The following BRWD3 variants were observed in gnomAD, a reference collection of about 807,000 sequenced individuals.
BRWD3 encodes bromodomain and WD repeat-containing protein 3.
In BRWD3, 10 loss-of-function variants were observed where a neutral mutation model predicts 149.7. That is an observed-to-expected ratio of 0.07 (90% CI 0.04 to 0.11). The LOEUF is 0.11. Among genes scored for constraint, BRWD3 ranks in the 10% least tolerant of loss-of-function variants. The pLI, the probability that BRWD3 is intolerant of heterozygous loss-of-function variation, is 1.00. For missense variants in BRWD3, 940 were observed against 1,373.2 expected (o/e 0.68, Z 4.99); for synonymous variants, 504 against 456.7 (o/e 1.10, Z -1.32).
chrX:80,730,705 G>C (rs2073318449), intron 12 of BRWD3, among the ~76,000 whole-genome samples: 1 of 111,581 alleles, frequency 9.0e-6, no homozygotes, highest in Admixed American at 9.5e-5. Flanking sequence ...CATTTAAAAA[G>C]AATACATATT....
At chrX:80,782,963 A>G (rs917483210) in intron 6 of BRWD3, among the ~76,000 whole-genome samples, 1 of 111,538 alleles carries the variant, frequency 9.0e-6, no homozygotes. Flanking sequence ...ATAGAAAAAA[A>G]AAATCTAATA....
rs1486755744 is a variant in BRWD3, at chrX:80,724,306, G to A, written c.1522-430C>T. On this transcript the variant is annotated intron_variant, in intron 15 of 40. Coordinates refer to ENST00000373275, the MANE Select transcript of BRWD3 (RefSeq NM_153252.5). ...GACAGAGGATCTGTCTTTGCTTTGG[G>A]TCTATATAAAGCATATAAAAGTAAA... Among the ~76,000 whole-genome samples, 3 of 111,408 alleles carry A rather than the reference G, an allele frequency of 2.7e-5. No homozygotes were observed. In the East Asian group the frequency reaches 8.4e-4, roughly 31 times the overall value.
intron 6 of BRWD3, among the ~76,000 whole-genome samples, chrX:80,780,969 T>C (rs1021700534): frequency 3.6e-5 from 4 of 111,786 alleles, no homozygotes; most frequent in Non-Finnish European, 7.5e-5. Context: ...AAGAGTGACA[T>C]ATAACGACAC....
chrX:80,687,033 AG>A (rs1192682418), intron 34 of BRWD3, 30 bp from the exon 35 acceptor site: 2 of 1,196,284 alleles, frequency 1.7e-6, no homozygotes, highest in Non-Finnish European at 2.3e-6. Flanking sequence ...TATATCTAAA[AG>A]ATCTTTCCTT....
intron 4 of BRWD3, among the ~76,000 whole-genome samples, chrX:80,807,127 T>C (rs781640071): frequency 1.3e-3 from 141 of 112,034 alleles, no homozygotes; most frequent in Non-Finnish European, 1.8e-3. Context: ...GGCACTGTTG[T>C]TTTTGCCTCT....
At chrX:80,805,770 C>G (rs1233398540) in intron 4 of BRWD3, among the ~76,000 whole-genome samples, 1 of 111,232 alleles carries the variant, frequency 9.0e-6, no homozygotes, top group Admixed American at 9.6e-5. Context: ...CCCGTCTCTA[C>G]TAAAAAATAC....
intron 6 of BRWD3, among the ~76,000 whole-genome samples, chrX:80,780,386 TC>T (rs1318161128): frequency 9.0e-6 from 1 of 111,357 alleles, no homozygotes; most frequent in East Asian, 2.8e-4. Flanking sequence ...TATAATAAAA[TC>T]TGTTTCATTT....
chrX:80,737,604 G>A (rs1384786709), intron 8 of BRWD3, among the ~76,000 whole-genome samples: 8 of 111,965 alleles, frequency 7.1e-5, no homozygotes. Context: ...GGAGGCCGAG[G>A]CAGGCAGATC....
intron 12 of BRWD3, among the ~76,000 whole-genome samples, chrX:80,732,707 C>G (rs1217270887): frequency 1.8e-5 from 2 of 111,559 alleles, no homozygotes; most frequent in Non-Finnish European, 3.8e-5. Flanking sequence ...ATCAATTAGG[C>G]TGGATCTAAG....
chrX:80,729,820 CTATT>C (rs2073300540), intron 13 of BRWD3, 92 bp downstream of exon 13: 3 of 631,515 alleles, frequency 4.8e-6, no homozygotes, highest in Admixed American at 2.7e-5. Flanking sequence ...TAACTTCAAA[CTATT>C]TATTAATGTA....
chrX:80,762,639 G>A (rs1423925944), intron 6 of BRWD3, among the ~76,000 whole-genome samples: 1 of 111,102 alleles, frequency 9.0e-6, no homozygotes, highest in Non-Finnish European at 1.9e-5. Context: ...AAGGCCAGAT[G>A]AATAGCTCAA....
intron 7 of BRWD3, among the ~76,000 whole-genome samples, chrX:80,745,355 T>A (rs1291636332): frequency 1.8e-5 from 2 of 111,929 alleles, no homozygotes; most frequent in Non-Finnish European, 3.8e-5. Flanking sequence ...GATTTAACTT[T>A]TTAAAATTAA....
Position 80,686,936 on chromosome X carries a change from T to A in BRWD3, c.3932A>T (p.Glu1311Val). ...ACGTTCATAAATGAGGCTCAATAGTTCCTTGCATTGTTTTTTCCAAGCATC... is the reference window on the plus strand; with the variant it reads ...ACGTTCATAAATGAGGCTCAATAGTACCTTGCATTGTTTTTTCCAAGCATC... The part of the protein sequence containing the change: ...NPDAWKKQCK[E>V]LLSLIYERED... Residue 1311 changes from glutamate to valine, a missense_variant, in exon 35 of 41, where the codon GAA becomes GTA. Around this residue, in one of 6 missense-constraint regions of BRWD3, gnomAD observed 349 missense variants for 419.6 expected, o/e 0.83. Transcript: ENST00000373275. 1 of 1,209,623 alleles carries A rather than the reference T, an allele frequency of 8.3e-7. No homozygotes were observed. Among genetic ancestry groups the A allele is most frequent in the South Asian group, 1.8e-5 (1 of 56,921 alleles).
At chrX:80,748,880 T>C (rs1285867993) in intron 6 of BRWD3, among the ~76,000 whole-genome samples, 1 of 111,505 alleles carries the variant, frequency 9.0e-6, no homozygotes, top group African/African-American at 3.3e-5. Flanking sequence ...CGGGCTGTTT[T>C]TGCTGCATCC....
intron 5 of BRWD3, 62 bp from the exon 6 acceptor site, chrX:80,792,014 G>T: frequency 1.5e-6 from 1 of 676,211 alleles, no homozygotes; most frequent in South Asian, 2.6e-5. Context: ...CCATGTCTCA[G>T]AAGCAAATGT....
chrX:80,701,923 G>A (rs2072796790), intron 24 of BRWD3, among the ~76,000 whole-genome samples: 1 of 110,939 alleles, frequency 9.0e-6, no homozygotes. Flanking sequence ...ATGCAAGGTA[G>A]AATATATTAT....
intron 28 of BRWD3, 115 bp downstream of exon 28, chrX:80,692,825 G>T: frequency 1.7e-6 from 1 of 589,831 alleles, no homozygotes; most frequent in East Asian, 3.3e-5. Context: ...ACAGGTACAG[G>T]TATTGTGAGA....
At chrX:80,755,558 C>T (rs1422953703) in intron 6 of BRWD3, among the ~76,000 whole-genome samples, 2 of 111,669 alleles carry the variant, frequency 1.8e-5, no homozygotes, top group South Asian at 3.7e-4. Flanking sequence ...GAGATGATCC[C>T]TTAGGAAAAT....
At chrX:80,734,413 A>G (rs981649789) in intron 10 of BRWD3, among the ~76,000 whole-genome samples, 195 bp from the exon 11 acceptor site, 1 of 111,771 alleles carries the variant, frequency 8.9e-6, no homozygotes, top group Non-Finnish European at 1.9e-5. Flanking sequence ...AAAATCTACA[A>G]ACTATACACT....
Sources: gnomAD v4.1 joint callset for allele counts (sites outside exome capture counted in the v4.1 genomes callset) on GRCh38, gnomAD v4.1.1 for gene constraint, gnomAD v4.1.1 regional missense constraint, MANE v1.5 for transcripts, NCBI Gene and HGNC (gene_info 2026-07-23, HGNC 2026-07-21) for gene names.